The following CWC27 variants were observed in gnomAD, a reference collection of about 807,000 sequenced individuals.
CWC27 encodes the protein CWC27 spliceosome associated cyclophilin, also known as spliceosome-associated protein CWC27 homolog.
CWC27 carries 47 observed loss-of-function variants against 63.6 expected under a neutral mutation model. That is an observed-to-expected ratio of 0.74 (90% CI 0.58 to 0.94). The LOEUF (loss-of-function observed/expected upper bound fraction) is 0.94. Ranked by LOEUF, CWC27 falls within the 40% of genes least tolerant of loss-of-function variation. The probability of loss-of-function intolerance (pLI) is 0.00; values close to 1 mark genes in which losing one functional copy is unlikely to be tolerated. For missense variants in CWC27, 495 were observed against 554.3 expected (o/e 0.89, Z 1.07); for synonymous variants, 175 against 179.8 (o/e 0.97, Z 0.22).
chr5:64,878,151 TG>T (rs921498680), intron 10 of CWC27, among the ~76,000 whole-genome samples: 68 of 152,006 alleles, frequency 4.5e-4, no homozygotes, highest in African/African-American at 1.6e-3. Context: ...TGCCTTTTCA[TG>T]GCCAAATAAT....
At chr5:64,940,853 T>C (rs1362753444) in intron 11 of CWC27, among the ~76,000 whole-genome samples, 4 of 142,668 alleles carry the variant, frequency 2.8e-5, no homozygotes, top group Non-Finnish European at 4.6e-5. Context: ...TTTTTTTTTT[T>C]TTTTTTTTTT....
intron 13 of CWC27, among the ~76,000 whole-genome samples, chr5:64,997,412 A>G (rs1010409152): frequency 1.3e-5 from 2 of 152,312 alleles, no homozygotes; most frequent in East Asian, 1.9e-4. Context: ...TCCGTGCTCA[A>G]TAAATGTGTT....
intron 7 of CWC27, among the ~76,000 whole-genome samples, chr5:64,795,164 T>C (rs945069226): frequency 3.3e-5 from 5 of 152,208 alleles, no homozygotes; most frequent in African/African-American, 9.6e-5. Flanking sequence ...CCCAAAAAAG[T>C]TGGGAGGCGG....
chr5:64,869,312 T>C (rs1746608338), intron 10 of CWC27, among the ~76,000 whole-genome samples: 2 of 152,070 alleles, frequency 1.3e-5, no homozygotes, highest in African/African-American at 4.8e-5. Flanking sequence ...ATAAAGCATC[T>C]TTTCTATTTG....
chr5:64,868,888 A>T (rs1281467712), intron 10 of CWC27, among the ~76,000 whole-genome samples: 1 of 151,956 alleles, frequency 6.6e-6, no homozygotes, highest in African/African-American at 2.4e-5. Context: ...ATCTTTGCAT[A>T]TACCCTTCCC....
intron 7 of CWC27, among the ~76,000 whole-genome samples, chr5:64,792,795 C>A (rs1471884189): frequency 1.3e-5 from 2 of 152,106 alleles, no homozygotes; most frequent in Non-Finnish European, 2.9e-5. Flanking sequence ...TGGGATCATA[C>A]AAATTCATAT....
chr5:64,780,101 A>G (rs1204546147), intron 2 of CWC27, among the ~76,000 whole-genome samples: 8 of 152,054 alleles, frequency 5.3e-5, no homozygotes, highest in Admixed American at 4.6e-4. Flanking sequence ...CCACCAATCT[A>G]TTTTCCATCT....
chr5:64,909,622 C>G (rs1002522680), intron 11 of CWC27, among the ~76,000 whole-genome samples: 1 of 152,158 alleles, frequency 6.6e-6, no homozygotes, highest in Non-Finnish European at 1.5e-5. Flanking sequence ...TTCTTGGAGG[C>G]TTTGTTCGTT....
intron 13 of CWC27, among the ~76,000 whole-genome samples, chr5:64,997,838 A>G (rs779050812): frequency 1.7e-4 from 26 of 152,164 alleles, no homozygotes; most frequent in Non-Finnish European, 2.9e-4. Context: ...AGCTCAGTGT[A>G]ATGTAAATAT....
At chr5:64,779,204 G>A (rs1429857047) in intron 2 of CWC27, among the ~76,000 whole-genome samples, 4 of 152,150 alleles carry the variant, frequency 2.6e-5, no homozygotes, top group African/African-American at 9.7e-5. Context: ...CCTCCTGTAT[G>A]TCAAGAAATC....
At chr5:64,782,100 T>G (rs1478524989) in intron 3 of CWC27, 67 bp downstream of exon 3, 1 of 822,382 alleles carries the variant, frequency 1.2e-6, no homozygotes, top group East Asian at 2.9e-5. Flanking sequence ...CAGTTTGGAT[T>G]GCTTAATCGA....
intron 11 of CWC27, among the ~76,000 whole-genome samples, chr5:64,910,753 C>T (rs983601551): frequency 4.6e-5 from 7 of 152,182 alleles, no homozygotes; most frequent in Non-Finnish European, 7.4e-5. Context: ...TGGGACCAGC[C>T]GAGCCAGGCA....
intron 10 of CWC27, among the ~76,000 whole-genome samples, chr5:64,820,922 CA>C (rs896243344): frequency 2.9e-5 from 4 of 137,006 alleles, no homozygotes; most frequent in South Asian, 2.3e-4. Context: ...TAAACTTTAT[CA>C]AAAAAAAAAC....
chr5:64,963,386 A>C (rs995627145), intron 11 of CWC27, among the ~76,000 whole-genome samples: 7 of 152,248 alleles, frequency 4.6e-5, no homozygotes, highest in African/African-American at 1.7e-4. Flanking sequence ...TATTAAATTC[A>C]ATGACCCAGT....
chr5:64,902,971 A>G (rs1311719002), intron 11 of CWC27, among the ~76,000 whole-genome samples: 1 of 152,198 alleles, frequency 6.6e-6, no homozygotes, highest in Non-Finnish European at 1.5e-5. Flanking sequence ...TTACATTTTT[A>G]TGCTACCATA....
intron 13 of CWC27, among the ~76,000 whole-genome samples, chr5:64,983,880 G>A (rs1466733278): frequency 6.6e-6 from 1 of 152,112 alleles, no homozygotes; most frequent in Non-Finnish European, 1.5e-5. Context: ...GCCCAGGCTG[G>A]AGTCCACTGA....
intron 9 of CWC27, among the ~76,000 whole-genome samples, chr5:64,802,664 G>A (rs1420984683): frequency 1.3e-5 from 2 of 151,992 alleles, no homozygotes; most frequent in African/African-American, 4.8e-5. Context: ...TGAGGGAGGA[G>A]TAGTCCAAGA....
chr5:64,983,897 C>G (rs1749371972), intron 13 of CWC27, among the ~76,000 whole-genome samples: 1 of 152,122 alleles, frequency 6.6e-6, no homozygotes. Context: ...CTGACAAGAT[C>G]TTGGCTCACT....
Position 64,783,859 on chromosome 5 carries a change from T to C in CWC27, c.276T>C (p.Arg92=). 1 of 1,578,110 alleles carries C rather than the reference T, an allele frequency of 6.3e-7. No homozygotes were observed. The change falls in exon 4 of 14, where the codon CGT becomes CGC. Residue 92 remains arginine (R), a synonymous_variant. Transcript: ENST00000381070. ...PFKDEFHSRL[R]FNRRGLVAMA... ...AGGATGAATTTCATTCACGGTTGCG[T>C]TTTAATCGGAGAGGACTGGTTGCCA...
Sources: allele counts gnomAD v4.1 joint callset (sites outside exome capture counted in the v4.1 genomes callset), GRCh38; gene constraint gnomAD v4.1.1; transcripts MANE v1.5; gene names NCBI Gene and HGNC (gene_info 2026-07-23, HGNC 2026-07-21).